Variants in FAM228B observed in about 807,000 individuals in gnomAD.
FAM228B encodes the protein protein FAM228B.
Under a neutral mutation model 42.6 loss-of-function variants are expected in FAM228B, and 38 were observed. The observed-to-expected ratio is 0.89, with a 90% CI of 0.69 to 1.17. FAM228B has a LOEUF of 1.17. FAM228B is among the 50% of genes most tolerant of loss of function. The probability of loss-of-function intolerance (pLI) is 0.00; values close to 1 mark genes in which losing one functional copy is unlikely to be tolerated. For synonymous variants in FAM228B, 109 were observed against 122.3 expected (o/e 0.89, Z 0.72); for missense variants, 344 against 367.3 (o/e 0.94, Z 0.52).
intron 3 of FAM228B, among the ~76,000 whole-genome samples, chr2:24,105,805 A>C (rs917490127): frequency 6.6e-6 from 1 of 152,224 alleles, no homozygotes; most frequent in Non-Finnish European, 1.5e-5. Flanking sequence ...ACACTACAAG[A>C]ATTGCACATT....
intron 2 of FAM228B, among the ~76,000 whole-genome samples, chr2:24,130,342 C>G (rs13407989): frequency 0.31 from 47,038 of 151,986 alleles, 7,693 homozygotes; most frequent in South Asian, 0.43. Context: ...GGGATTGCTG[C>G]GTCAAATGGT....
intron 3 of FAM228B, chr2:24,115,323 C>G: frequency 2.2e-6 from 1 of 445,874 alleles, no homozygotes; most frequent in Non-Finnish European, 4.1e-6. Flanking sequence ...CAGAAAGGAG[C>G]CTCCCAATAG....
intron 1 of FAM228B, among the ~76,000 whole-genome samples, chr2:24,078,490 A>G (rs1008914626): frequency 1.9e-4 from 29 of 151,806 alleles, no homozygotes; most frequent in Non-Finnish European, 3.7e-4. Context: ...TAAAAAAAAA[A>G]AAAAAAAAAA....
At chr2:24,112,668 A>G (rs930496670) in intron 3 of FAM228B, among the ~76,000 whole-genome samples, 4 of 152,172 alleles carry the variant, frequency 2.6e-5, no homozygotes, top group African/African-American at 9.7e-5. Flanking sequence ...GTGAGTGTAT[A>G]TTACTTTTGT....
intron 9 of FAM228B, chr2:24,165,351 T>C: frequency 2.1e-6 from 1 of 471,144 alleles, no homozygotes; most frequent in Non-Finnish European, 4.4e-6. Flanking sequence ...GGGATACATA[T>C]AAAAGGACAA....
intron 7 of FAM228B, among the ~76,000 whole-genome samples, chr2:24,159,579 A>G (rs1203701611): frequency 6.6e-6 from 1 of 152,226 alleles, no homozygotes; most frequent in Non-Finnish European, 1.5e-5. Context: ...AAGAGGAAAC[A>G]TCCCATCTGA....
At chr2:24,089,360 T>G (rs1247394962) in intron 2 of FAM228B, among the ~76,000 whole-genome samples, 4 of 151,436 alleles carry the variant, frequency 2.6e-5, no homozygotes. Flanking sequence ...GATATAGGAG[T>G]GATTAAAACA....
chr2:24,148,502 C>T (rs1666947152), intron 7 of FAM228B, among the ~76,000 whole-genome samples: 1 of 152,064 alleles, frequency 6.6e-6, no homozygotes, highest in African/African-American at 2.4e-5. Context: ...ATGGCAGTGT[C>T]CTGTCTGTCT....
chr2:24,121,031 TGCTATCTCAAGACAATG>T (rs1290997142), upstream of FAM228B: 58 of 1,207,696 alleles, frequency 4.8e-5, no homozygotes, highest in Non-Finnish European at 2.0e-5. Context: ...GGCACTAGAC[TGCTATCTCAAGACAATG>T]GCTCAAGACA....
rs1227254657 is a variant in FAM228B at position 24,109,329 on chromosome 2, A to C, written c.-121+14100A>C. ...ATTAAAGACTTATGTGTAAAAACTC[A>C]AACTATAAAAACACTGGAAGATAAC... is the stretch of plus-strand genomic sequence containing the variant. On this transcript the variant is annotated intron_variant, in intron 3 of 10. Transcript: ENST00000613899. 2.0e-5 allele frequency among the ~76,000 whole-genome samples: 3 copies of C among 152,200 alleles called. No homozygotes were observed. In the East Asian group the frequency reaches 5.8e-4, roughly 29 times the overall value.
At chr2:24,082,875 G>C (rs201028054) in intron 2 of FAM228B, 30 of 1,595,446 alleles carry the variant, frequency 1.9e-5, no homozygotes, top group Middle Eastern at 4.5e-4. Flanking sequence ...GAGCATGGAG[G>C]CCTCCTCACC....
intron 2 of FAM228B, among the ~76,000 whole-genome samples, chr2:24,125,382 CAA>C (rs1405849727): frequency 1.3e-5 from 2 of 152,094 alleles, no homozygotes; most frequent in Non-Finnish European, 2.9e-5. Context: ...GACCCTGTCT[CAA>C]ATAAAGTGTA....
In FAM228B at chr2:24,135,967, T is replaced by TAGTGA. The variant is rs1178129909; in HGVS notation, c.168+783_168+787dup. Among the ~76,000 whole-genome samples, 21 of 148,962 alleles carry TAGTGA rather than the reference T, an allele frequency of 1.4e-4. No individual in the cohort carries two copies. In the East Asian group the frequency reaches 4.1e-3, roughly 29 times the overall value. On this transcript the variant is annotated intron_variant, in intron 3 of 10. Transcript: ENST00000615575. ...TTTTTTTTTTTCTGAAGGTCAGTTA[T>TAGTGA]AGTGAAGGGTTTTTTTTTTTTTTTT...
intron 3 of FAM228B, among the ~76,000 whole-genome samples, chr2:24,101,426 T>A (rs531446782): frequency 1.2e-4 from 18 of 152,310 alleles, no homozygotes; most frequent in African/African-American, 4.1e-4. Flanking sequence ...TTATTTTCTG[T>A]GACCACAGGG....
chr2:24,131,189 G>A (rs1038025760), intron 2 of FAM228B, among the ~76,000 whole-genome samples: 7 of 152,106 alleles, frequency 4.6e-5, no homozygotes, highest in African/African-American at 1.7e-4. Flanking sequence ...TGGTCTATAT[G>A]TCTGTTTTGG....
chr2:24,126,338 T>C (rs1359556562), intron 2 of FAM228B, among the ~76,000 whole-genome samples: 1 of 152,246 alleles, frequency 6.6e-6, no homozygotes, highest in Non-Finnish European at 1.5e-5. Flanking sequence ...GGAATAGTTT[T>C]ATTTATACTG....
At chr2:24,093,613 T>C (rs1377717330) in intron 2 of FAM228B, among the ~76,000 whole-genome samples, 2 of 146,600 alleles carry the variant, frequency 1.4e-5, no homozygotes, top group Non-Finnish European at 3.0e-5. Flanking sequence ...AATAAACATA[T>C]GTGTGCATTT....
chr2:24,165,374 TC>T (rs1324714296), intron 9 of FAM228B: 4 of 471,010 alleles, frequency 8.5e-6, no homozygotes, highest in Admixed American at 4.7e-5. Context: ...CCTTTTCAGG[TC>T]CTCTCTGTGC....
chr2:24,124,184 T>G, intron 1 of FAM228B, 146 bp from the exon 2 acceptor site: 1 of 514,266 alleles, frequency 1.9e-6, no homozygotes, highest in Non-Finnish European at 3.4e-6. Flanking sequence ...TCATCTGGAG[T>G]CTGTAGTGAA....
Sources: allele counts gnomAD v4.1 joint callset (sites outside exome capture counted in the v4.1 genomes callset), GRCh38; gene constraint gnomAD v4.1.1; transcripts MANE v1.5; gene names NCBI Gene and HGNC (gene_info 2026-07-23, HGNC 2026-07-21).